MAP3K3: variants seen among roughly 807,000 people sequenced by gnomAD.
The protein encoded by MAP3K3 is mitogen-activated protein kinase kinase kinase 3.
MAP3K3 carries 12 observed loss-of-function variants against 80.9 expected under a neutral mutation model. The ratio of observed to expected loss-of-function variants is 0.15; its 90% CI spans 0.10 to 0.24. The LOEUF is 0.24. MAP3K3 is among the 10% of genes least tolerant of loss of function. MAP3K3 has a pLI of 1.00. For missense variants in MAP3K3, 596 were observed against 834.7 expected (o/e 0.71, Z 3.52); for synonymous variants, 272 against 307.1 (o/e 0.89, Z 1.19).
intron 2 of MAP3K3, chr17:63,637,192 C>CAA (rs796796374): frequency 0.011 from 828 of 77,782 alleles, 9 homozygotes; most frequent in African/African-American, 0.035. Context: ...TGAGACCAAC[C>CAA]AAAAAAAAAA....
chr17:63,639,067 G>T (rs979657565), intron 2 of MAP3K3, among the ~76,000 whole-genome samples: 2 of 152,062 alleles, frequency 1.3e-5, no homozygotes, highest in African/African-American at 2.4e-5. Context: ...CTGTACCCCA[G>T]GAATCATGCA....
intron 2 of MAP3K3, among the ~76,000 whole-genome samples, chr17:63,637,963 T>G (rs2034364878): frequency 6.6e-6 from 1 of 152,192 alleles, no homozygotes; most frequent in Admixed American, 6.5e-5. Flanking sequence ...AGGAAGAGAA[T>G]TCCAGGATCT....
chr17:63,632,420 A>G (rs2034235117), intron 1 of MAP3K3, among the ~76,000 whole-genome samples: 1 of 152,192 alleles, frequency 6.6e-6, no homozygotes, highest in Non-Finnish European at 1.5e-5. Flanking sequence ...TGAGCCCCAG[A>G]GTTGGAGGCT....
At chr17:63,643,856 A>T (rs547944042) in intron 2 of MAP3K3, among the ~76,000 whole-genome samples, 1 of 152,252 alleles carries the variant, frequency 6.6e-6, no homozygotes, top group South Asian at 2.1e-4. Context: ...TTAGAATTTC[A>T]GGGGAACGAG....
chr17:63,684,737 C>T, intron 7 of MAP3K3, among the ~76,000 whole-genome samples: 1 of 152,140 alleles, frequency 6.6e-6, no homozygotes, highest in Non-Finnish European at 1.5e-5. Flanking sequence ...AGTGATCCTT[C>T]CCTCTCGGCT....
chr17:63,687,210 GAA>G (rs58633694), intron 8 of MAP3K3, among the ~76,000 whole-genome samples: 1 of 130,382 alleles, frequency 7.7e-6, no homozygotes, highest in Non-Finnish European at 1.6e-5. Context: ...TACTAAAAAT[GAA>G]AAAAAAAAAA....
chr17:63,656,751 G>A (rs2034777822), intron 4 of MAP3K3, among the ~76,000 whole-genome samples: 1 of 152,120 alleles, frequency 6.6e-6, no homozygotes, highest in South Asian at 2.1e-4. Context: ...TACCCTCAGG[G>A]ACCTTCTATT....
At position 63,691,678 on chromosome 17, in the gene MAP3K3, G is replaced by T; in HGVS notation, c.1345-55G>T. On this transcript the variant is annotated intron_variant, in intron 13 of 15. Transcript: ENST00000361733. This position sits in a 1 kb window ranked among gnomAD's most constrained non-coding sequence, Gnocchi z 4.8. ...CCATGCTGGGGGCTGGAATGGGCTT[G>T]CCCCTCCACCAGCCCTCCCCTGAGG... 1 of 1,587,794 alleles carries T rather than the reference G, an allele frequency of 6.3e-7. No individual in the cohort carries two copies.
Position 63,689,116 on chromosome 17 carries a change from T to C in MAP3K3, c.871+235T>C, listed in dbSNP as rs1351557144. Reference sequence around the variant, plus strand: ...ACCTTGTTTGAAGCCAGTGGTGTGCTCCAGGGGCACCATCTCTCCCATGTC... The same window carrying C: ...ACCTTGTTTGAAGCCAGTGGTGTGCCCCAGGGGCACCATCTCTCCCATGTC... On this transcript the variant is annotated intron_variant, in intron 10 of 15. Coordinates refer to ENST00000361733, the MANE Select transcript of MAP3K3 (RefSeq NM_002401.5). This position sits in a 1 kb window ranked among gnomAD's most constrained non-coding sequence, Gnocchi z 4.3. 4 of 584,942 alleles carry C rather than the reference T, an allele frequency of 6.8e-6. No homozygotes were observed. In the African/African-American group the frequency reaches 7.5e-5, roughly 11 times the overall value. 36.2% of individuals were successfully genotyped at this position (584,942 alleles called of 1,614,324 possible). A position where few individuals can be genotyped will look rare whatever the true frequency, so the allele number is the denominator to read the frequency against.
chr17:63,677,277 CACTT>C (rs1254330631), intron 6 of MAP3K3, among the ~76,000 whole-genome samples: 1 of 152,210 alleles, frequency 6.6e-6, no homozygotes, highest in African/African-American at 2.4e-5. Context: ...CCGTGCACCT[CACTT>C]ACCTCCTTAG....
In MAP3K3 at chr17:63,657,810, A is replaced by G. The variant is rs754924253; in HGVS notation, c.284A>G (p.Lys95Arg). 12 of 1,591,546 alleles carry G rather than the reference A, an allele frequency of 7.5e-6. No individual in the cohort carries two copies. The South Asian group carries it at 1.3e-4, about 18-fold the overall frequency. The change falls in exon 5 of 16, where the codon AAA (lysine) becomes AGA (arginine). Residue 95 changes from lysine (K) to arginine (R), a missense_variant. Around this residue, in one of 2 missense-constraint regions of MAP3K3, gnomAD observed 232 missense variants for 245.8 expected, o/e 0.94. Transcript: ENST00000361733. ...YMNNELSILL[K>R]NQDDLDKAID... ...GTATCACAGCTCTCCATCCTGCTGA[A>G]AAACCAAGATGATCTTGATAAAGCA...
chr17:63,624,810 A>AC (rs1358220243), intron 1 of MAP3K3, among the ~76,000 whole-genome samples: 2 of 152,224 alleles, frequency 1.3e-5, no homozygotes, highest in Non-Finnish European at 2.9e-5. Context: ...AAAGTAGATG[A>AC]CCTTGATACA....
chr17:63,673,420 A>G (rs1421845524), intron 6 of MAP3K3, among the ~76,000 whole-genome samples: 1 of 152,044 alleles, frequency 6.6e-6, no homozygotes, highest in Admixed American at 6.6e-5. Context: ...AAAAAACCCT[A>G]CTAAGTAATG....
chr17:63,638,340 G>T (rs1025948230), intron 2 of MAP3K3, among the ~76,000 whole-genome samples: 26 of 152,168 alleles, frequency 1.7e-4, no homozygotes, highest in Non-Finnish European at 2.9e-5. Flanking sequence ...AATCAGTACA[G>T]AATCAGAGCG....
intron 2 of MAP3K3, among the ~76,000 whole-genome samples, chr17:63,640,671 C>T (rs980317202): frequency 3.9e-5 from 6 of 152,110 alleles, no homozygotes; most frequent in African/African-American, 1.2e-4. Flanking sequence ...AAAGCATGTA[C>T]TCTGTTAACA....
intron 8 of MAP3K3, chr17:63,688,164 G>A (rs9901507): frequency 0.32 from 92,488 of 293,592 alleles, 19,532 homozygotes; most frequent in African/African-American, 0.71. Flanking sequence ...GAAAGCAGCA[G>A]CCTATCAACG....
chr17:63,680,041 A>G (rs1236589238), intron 6 of MAP3K3, among the ~76,000 whole-genome samples: 1 of 152,106 alleles, frequency 6.6e-6, no homozygotes, highest in East Asian at 1.9e-4. Flanking sequence ...AAACAACAAA[A>G]CAGAATAGAA....
chr17:63,650,660 G>C (rs1598081136), intron 3 of MAP3K3, among the ~76,000 whole-genome samples: 1 of 56,712 alleles, frequency 1.8e-5, no homozygotes, highest in Non-Finnish European at 3.4e-5. Context: ...GTCTCTTATA[G>C]AGAGAGAGAG....
intron 1 of MAP3K3, among the ~76,000 whole-genome samples, chr17:63,627,879 C>T (rs1042211166): frequency 2.0e-5 from 3 of 151,754 alleles, no homozygotes; most frequent in Admixed American, 6.6e-5. Flanking sequence ...CCAATGCGCC[C>T]GGCCTGTCAC....
Sources: allele counts gnomAD v4.1 joint callset (sites outside exome capture counted in the v4.1 genomes callset), GRCh38; gene constraint gnomAD v4.1.1; regional missense constraint gnomAD v4.1.1; non-coding constraint Gnocchi (gnomAD v3.1); transcripts MANE v1.5; gene names NCBI Gene and HGNC (gene_info 2026-07-23, HGNC 2026-07-21).